PHACTR1: variants seen among roughly 807,000 people sequenced by gnomAD.
PHACTR1 encodes phosphatase and actin regulator 1.
In PHACTR1, 16 loss-of-function variants were observed where a neutral mutation model predicts 69.2. The observed-to-expected ratio is 0.23, with a 90% CI of 0.16 to 0.35. The LOEUF is 0.35. Ranked by LOEUF, PHACTR1 falls within the 10% of genes least tolerant of loss-of-function variation. The probability of loss-of-function intolerance (pLI) is 1.00; values close to 1 mark genes in which losing one functional copy is unlikely to be tolerated. For synonymous variants in PHACTR1, 312 were observed against 284.5 expected, an observed-to-expected ratio of 1.10 and a Z score of -0.97; for missense variants, 510 against 734.7, an observed-to-expected ratio of 0.69 and a Z score of 3.54.
intron 3 of PHACTR1, among the ~76,000 whole-genome samples, chr6:12,725,977 T>C (rs1041812071): frequency 4.6e-5 from 7 of 152,108 alleles, no homozygotes; most frequent in African/African-American, 1.7e-4. Flanking sequence ...ATTTAGAAAA[T>C]AGAACCTCCT....
chr6:13,067,571 T>C (rs1808851336), intron 5 of PHACTR1, among the ~76,000 whole-genome samples: 1 of 152,216 alleles, frequency 6.6e-6, no homozygotes, highest in Non-Finnish European at 1.5e-5. Context: ...TACTCGTCTT[T>C]GTATGAACCC....
chr6:12,924,700 A>G (rs9472981), intron 4 of PHACTR1, among the ~76,000 whole-genome samples: 1,949 of 149,956 alleles, frequency 0.013, 46 homozygotes, highest in African/African-American at 0.045. Flanking sequence ...GCATGAACCC[A>G]GGAGGCAGAG....
At chr6:12,856,257 T>TTC (rs1780350066) in intron 4 of PHACTR1, among the ~76,000 whole-genome samples, 2 of 149,234 alleles carry the variant, frequency 1.3e-5, no homozygotes, top group Admixed American at 6.6e-5. Flanking sequence ...CTTTCTTTCT[T>TTC]TTTTTTTTTT....
chr6:12,817,908 CT>C (rs2127706337), intron 4 of PHACTR1, among the ~76,000 whole-genome samples: 1 of 151,610 alleles, frequency 6.6e-6, no homozygotes, highest in East Asian at 2.0e-4. Flanking sequence ...ACTGCATGCT[CT>C]GCCTCCCGGG....
At position 13,247,491 on chromosome 6, in the gene PHACTR1, G is replaced by A. The variant is rs369227909; in HGVS notation, c.1391+17298G>A. 6.8e-4 allele frequency among the ~76,000 whole-genome samples: 104 copies of A among 152,066 alleles called. No individual in the cohort carries two copies. In the South Asian group the frequency reaches 9.3e-3, roughly 14 times the overall value. ...CTCCCAAGTAGCTGAGATTACAGGC[G>A]CCAGCCACCATGCCTGGCTAATTTT... On this transcript the variant is annotated intron_variant, in intron 10 of 14. Coordinates refer to ENST00000332995, the MANE Select transcript of PHACTR1 (RefSeq NM_030948.6).
intron 4 of PHACTR1, among the ~76,000 whole-genome samples, chr6:12,935,369 G>A (rs1789327414): frequency 2.0e-5 from 3 of 151,920 alleles, no homozygotes; most frequent in South Asian, 2.1e-4. Context: ...TCAGCCTCCC[G>A]AGTAGCTGGG....
chr6:13,236,467 G>A (rs1381651012), intron 10 of PHACTR1, among the ~76,000 whole-genome samples: 2 of 152,162 alleles, frequency 1.3e-5, no homozygotes, highest in Non-Finnish European at 2.9e-5. Context: ...AGCAGAGTTG[G>A]TTCCTTCTGA....
chr6:12,811,850 C>T (rs1397778446), intron 4 of PHACTR1, among the ~76,000 whole-genome samples: 4 of 152,202 alleles, frequency 2.6e-5, no homozygotes, highest in African/African-American at 9.6e-5. Context: ...TTTATGTCTC[C>T]GTGGCAGCCG....
At chr6:13,216,060 A>G (rs569218249) in intron 8 of PHACTR1, among the ~76,000 whole-genome samples, 1 of 152,356 alleles carries the variant, frequency 6.6e-6, no homozygotes, top group African/African-American at 2.4e-5. Flanking sequence ...CATATTAGCT[A>G]GAGATGAATT....
At chr6:13,130,569 T>C (rs1820260235) in intron 5 of PHACTR1, among the ~76,000 whole-genome samples, 1 of 152,220 alleles carries the variant, frequency 6.6e-6, no homozygotes, top group South Asian at 2.1e-4. Context: ...AGGAGATGGG[T>C]AAATTCCTGG....
rs149884258 is a variant in PHACTR1, at chr6:13,109,328, A to G, written c.416-50876A>G. Among the ~76,000 whole-genome samples the G allele has an allele frequency of 8.0e-3, 1,218 of 152,150 alleles. 6 individuals are homozygous for G. Among genetic ancestry groups the G allele is most frequent in the Non-Finnish European group, 0.013 (861 of 67,928 alleles). On this transcript the variant is annotated intron_variant, in intron 5 of 14. Transcript: ENST00000332995. ...CTAATATGTCTTATAGTGCAGGCCT[A>G]CTAATGATAAATTGTTATAACTTTT...
At chr6:13,174,169 T>A (rs750585465) in intron 6 of PHACTR1, among the ~76,000 whole-genome samples, 1 of 152,198 alleles carries the variant, frequency 6.6e-6, no homozygotes, top group Non-Finnish European at 1.5e-5. Flanking sequence ...AGACTCTCCA[T>A]TTGAGATGCA....
intron 5 of PHACTR1, among the ~76,000 whole-genome samples, chr6:13,100,568 A>C (rs924505359): frequency 2.0e-5 from 3 of 152,184 alleles, no homozygotes; most frequent in African/African-American, 7.2e-5. Flanking sequence ...CTTACCTTGC[A>C]ATGGAAGTCT....
At chr6:13,223,130 G>C (rs1422048429) in intron 8 of PHACTR1, among the ~76,000 whole-genome samples, 4 of 152,068 alleles carry the variant, frequency 2.6e-5, no homozygotes, top group African/African-American at 9.7e-5. Context: ...GGTTACAATA[G>C]TGTTTAAATT....
intron 4 of PHACTR1, among the ~76,000 whole-genome samples, chr6:12,840,389 A>G (rs892158979): frequency 5.9e-5 from 9 of 152,202 alleles, no homozygotes; most frequent in Admixed American, 2.6e-4. Flanking sequence ...AATACTGCCC[A>G]TTTGTTCTGT....
At position 12,845,426 on chromosome 6, in the gene PHACTR1, C is replaced by G. The variant is rs867116886; in HGVS notation, c.250+95636C>G. 6.4e-3 allele frequency among the ~76,000 whole-genome samples: 48 copies of G among 7,484 alleles called. 7 individuals carry two copies. The highest frequency in any genetic ancestry group is 0.091 in the Middle Eastern group (2 of 22). The allele number at this position is 7,484 out of a possible 152,430, so 4.9% of individuals were successfully genotyped here. ...TGCCAAGATGTCATTGTGAACACCACCCACCCCCCCCCCCCCCGCCCTCCG... is the reference window on the plus strand; with the variant it reads ...TGCCAAGATGTCATTGTGAACACCAGCCACCCCCCCCCCCCCCGCCCTCCG... On this transcript the variant is annotated intron_variant, in intron 4 of 14. Transcript: ENST00000332995.
At chr6:12,775,387 A>G (rs986959683) in intron 4 of PHACTR1, among the ~76,000 whole-genome samples, 3 of 152,224 alleles carry the variant, frequency 2.0e-5, no homozygotes, top group Non-Finnish European at 4.4e-5. Context: ...CCACATAGTT[A>G]ACTAGTAATA....
At chr6:13,061,177 G>A (rs1384857387) in intron 5 of PHACTR1, among the ~76,000 whole-genome samples, 5 of 152,038 alleles carry the variant, frequency 3.3e-5, no homozygotes, top group Non-Finnish European at 5.9e-5. Flanking sequence ...TCTCTTATAA[G>A]GGTACCAGAC....
intron 4 of PHACTR1, among the ~76,000 whole-genome samples, chr6:12,809,360 C>T (rs1406914498): frequency 1.3e-5 from 2 of 152,178 alleles, no homozygotes; most frequent in Non-Finnish European, 2.9e-5. Context: ...CCACACCCAG[C>T]CCCATTCCTG....
Sources: gnomAD v4.1 joint callset for allele counts (sites outside exome capture counted in the v4.1 genomes callset) on GRCh38, gnomAD v4.1.1 for gene constraint, MANE v1.5 for transcripts, NCBI Gene and HGNC (gene_info 2026-07-23, HGNC 2026-07-21) for gene names.